TBC1D8: variants seen among roughly 807,000 people sequenced by gnomAD.
TBC1D8 encodes TBC1 domain family member 8, also known as BUB2-like protein 1.
Under a neutral mutation model 118.8 loss-of-function variants are expected in TBC1D8, and 65 were observed. That is an observed-to-expected ratio of 0.55 (90% CI 0.45 to 0.67). TBC1D8 has a LOEUF of 0.67. TBC1D8 is among the 30% of genes least tolerant of loss of function. TBC1D8 has a pLI of 0.00. For missense variants in TBC1D8, 1,376 were observed against 1,471.2 expected (o/e 0.94, Z 1.06); for synonymous variants, 566 against 595.8 (o/e 0.95, Z 0.73).
At chr2:101,024,440 C>G (rs1173883673) in intron 15 of TBC1D8, among the ~76,000 whole-genome samples, 1 of 132,780 alleles carries the variant, frequency 7.5e-6, no homozygotes, top group African/African-American at 2.9e-5. Flanking sequence ...GAGTCTCACT[C>G]TTGTTGCCCA....
In TBC1D8 at chr2:101,086,146, A is replaced by C. The variant is rs144975105; in HGVS notation, c.283+4063T>G. ...AACAGAGCGAGACTCTGTCTCAAAA[A>C]AAAAAAAAAAACTTGACAACAAAAT... On this transcript the variant is annotated intron_variant, in intron 2 of 19. Coordinates refer to ENST00000409318, the MANE Select transcript of TBC1D8 (RefSeq NM_001330348.2). 7.5e-3 allele frequency among the ~76,000 whole-genome samples: 1,147 copies of C among 152,032 alleles called. 12 individuals are homozygous for C. The highest frequency in any genetic ancestry group is 0.026 in the African/African-American group (1,086 of 41,436).
rs937195831 is a variant in TBC1D8, at chr2:101,074,814, ATTAT to A, written c.284-15279_284-15276del. The stretch of plus-strand genomic sequence containing the variant: ...GAATTGGAAAAGTCAGTATGAACTC[ATTAT>A]TTATTTTTCTTTATCATCACACACA... On this transcript the variant is annotated intron_variant, in intron 2 of 19. Coordinates refer to ENST00000409318, the MANE Select transcript of TBC1D8 (RefSeq NM_001330348.2). Among the ~76,000 whole-genome samples, 3 of 152,162 alleles carry A rather than the reference ATTAT, an allele frequency of 2.0e-5. No homozygotes were observed. In the East Asian group the frequency reaches 5.8e-4, roughly 29 times the overall value.
intron 5 of TBC1D8, among the ~76,000 whole-genome samples, chr2:101,043,073 G>A (rs1014477694): frequency 6.6e-6 from 1 of 152,166 alleles, no homozygotes; most frequent in Non-Finnish European, 1.5e-5. Context: ...CCCTCAAAAG[G>A]AGAAAACACA....
At chr2:101,037,488 C>T (rs371089371) in intron 8 of TBC1D8, 44 bp downstream of exon 8, 9 of 1,594,406 alleles carry the variant, frequency 5.6e-6, no homozygotes, top group Admixed American at 3.5e-5. Flanking sequence ...CCCAAGCCCA[C>T]GGCTCAGCTT....
At chr2:101,130,540 C>G (rs573189573) in intron 1 of TBC1D8, among the ~76,000 whole-genome samples, 218 of 152,368 alleles carry the variant, frequency 1.4e-3, no homozygotes, top group South Asian at 2.3e-3. Context: ...GGCCCTAACC[C>G]CCTTGACTAG....
chr2:101,059,575 A>G (rs777680519), intron 2 of TBC1D8, 36 bp from the exon 3 acceptor site: 2 of 1,492,494 alleles, frequency 1.3e-6, no homozygotes, highest in African/African-American at 2.8e-5. Context: ...GAGATTAAAA[A>G]ATGCAATAGA....
intron 15 of TBC1D8, among the ~76,000 whole-genome samples, chr2:101,023,291 C>T (rs568899167): frequency 1.3e-5 from 2 of 151,906 alleles, no homozygotes; most frequent in East Asian, 4.0e-4. Context: ...ATTACAGGTG[C>T]CCGCCACCAC....
intron 1 of TBC1D8, among the ~76,000 whole-genome samples, chr2:101,143,063 CTTT>C (rs11454446): frequency 2.9e-5 from 4 of 140,000 alleles, no homozygotes; most frequent in African/African-American, 1.1e-4. Flanking sequence ...CTTTCCTTTC[CTTT>C]TTTTTTTTTT....
At chr2:101,117,176 C>G (rs965913276) in intron 1 of TBC1D8, among the ~76,000 whole-genome samples, 1 of 152,132 alleles carries the variant, frequency 6.6e-6, no homozygotes, top group Non-Finnish European at 1.5e-5. Context: ...CTACAGGTTT[C>G]AGAGGGAGCA....
intron 1 of TBC1D8, among the ~76,000 whole-genome samples, chr2:101,148,979 C>A (rs971479587): frequency 1.3e-5 from 2 of 152,142 alleles, no homozygotes; most frequent in Non-Finnish European, 2.9e-5. Context: ...GAAGACCAGC[C>A]CCCCACAGCA....
chr2:101,130,860 T>C (rs1478803140), intron 1 of TBC1D8, among the ~76,000 whole-genome samples: 1 of 152,208 alleles, frequency 6.6e-6, no homozygotes, highest in Non-Finnish European at 1.5e-5. Context: ...ATTCTCTTAA[T>C]ATCTAACTGT....
chr2:101,071,950 T>A (rs1251103360), intron 2 of TBC1D8, among the ~76,000 whole-genome samples: 1 of 152,248 alleles, frequency 6.6e-6, no homozygotes, highest in Non-Finnish European at 1.5e-5. Flanking sequence ...TATAGCCTTA[T>A]GAAATGTATT....
chr2:101,043,876 G>A (rs576943205), intron 5 of TBC1D8, among the ~76,000 whole-genome samples: 2 of 152,218 alleles, frequency 1.3e-5, no homozygotes, highest in East Asian at 3.9e-4. Context: ...GGAGGCAGAG[G>A]TTGCAGTGAG....
rs114835218 is a variant in TBC1D8 at position 101,130,439 on chromosome 2, G to A, written c.127+20688C>T. On this transcript the variant is annotated intron_variant, in intron 1 of 19. Coordinates refer to ENST00000409318, the MANE Select transcript of TBC1D8 (RefSeq NM_001330348.2). The stretch of plus-strand genomic sequence containing the variant: ...GGTGCCAGAAAGACTTCCAGGGGCA[G>A]AAGTTCCTCGCCCCAGTGCTTTTGA... Among the ~76,000 whole-genome samples the A allele has an allele frequency of 8.0e-3, 1,222 of 152,322 alleles. 15 individuals are homozygous for A. Among genetic ancestry groups the A allele is most frequent in the African/African-American group, 0.027 (1,121 of 41,580 alleles).
intron 18 of TBC1D8, 110 bp from the exon 19 acceptor site, chr2:101,011,136 A>G: frequency 1.9e-6 from 2 of 1,030,120 alleles, no homozygotes; most frequent in Non-Finnish European, 2.9e-6. Context: ...CCACTAAGCA[A>G]ATTCCATACA....
chr2:101,054,541 G>A (rs533542672), intron 3 of TBC1D8, among the ~76,000 whole-genome samples: 27 of 152,032 alleles, frequency 1.8e-4, no homozygotes, highest in African/African-American at 6.3e-4. Flanking sequence ...AGAAAAAAAA[G>A]GAATGGCAGT....
rs574467409 is a variant in TBC1D8 at position 101,137,555 on chromosome 2, G to A, written c.127+13572C>T. The stretch of plus-strand genomic sequence containing the variant: ...TCTCGATCTCCTGACCATGTGATCC[G>A]CCCACCTTGGCCTCCCAAAGTGCTG... On this transcript the variant is annotated intron_variant, in intron 1 of 19. Coordinates refer to ENST00000409318, the MANE Select transcript of TBC1D8 (RefSeq NM_001330348.2). Among the ~76,000 whole-genome samples, 6 of 152,262 alleles carry A rather than the reference G, an allele frequency of 3.9e-5. No individual in the cohort carries two copies. The South Asian group carries it at 6.2e-4, about 16-fold the overall frequency.
chr2:101,142,507 C>A (rs957330619), intron 1 of TBC1D8, among the ~76,000 whole-genome samples: 11 of 152,072 alleles, frequency 7.2e-5, no homozygotes, highest in African/African-American at 2.7e-4. Context: ...ACAACTACAA[C>A]CCAAATATCC....
intron 17 of TBC1D8, among the ~76,000 whole-genome samples, chr2:101,013,575 A>C (rs1049467436): frequency 1.3e-5 from 2 of 152,232 alleles, no homozygotes; most frequent in Non-Finnish European, 2.9e-5. Context: ...GTTTGAAGGT[A>C]GTAGGTAACT....
Sources: allele counts gnomAD v4.1 joint callset (sites outside exome capture counted in the v4.1 genomes callset), GRCh38; gene constraint gnomAD v4.1.1; transcripts MANE v1.5; gene names NCBI Gene and HGNC (gene_info 2026-07-23, HGNC 2026-07-21).